Variants in TMEM117 observed in about 807,000 individuals in gnomAD.
TMEM117 encodes the protein transmembrane protein 117.
TMEM117 carries 27 observed loss-of-function variants against 52.4 expected under a neutral mutation model. The observed-to-expected ratio is 0.51, with a 90% confidence interval of 0.38 to 0.71. The LOEUF (loss-of-function observed/expected upper bound fraction) is 0.71, where lower values mean the gene tolerates loss of function less well. Ranked by LOEUF, TMEM117 falls within the 30% of genes least tolerant of loss-of-function variation. The probability of loss-of-function intolerance (pLI) is 0.00; values close to 1 mark genes in which losing one functional copy is unlikely to be tolerated. For synonymous variants in TMEM117, 215 were observed against 206.3 expected (o/e 1.04, Z -0.36); for missense variants, 556 against 630.5 (o/e 0.88, Z 1.26).
At chr12:43,891,652 C>T (rs745801611) in intron 2 of TMEM117, among the ~76,000 whole-genome samples, 3 of 151,986 alleles carry the variant, frequency 2.0e-5, no homozygotes, top group Non-Finnish European at 4.4e-5. Flanking sequence ...AGGCATGAGC[C>T]ACTGCGCCCA....
chr12:44,354,999 A>T (rs370492622), intron 6 of TMEM117, among the ~76,000 whole-genome samples: 104 of 152,170 alleles, frequency 6.8e-4, no homozygotes, highest in African/African-American at 2.2e-3. Context: ...CAGCATACTC[A>T]TAATAAATAC....
At chr12:43,813,573 C>T in the TMEM117 span, among the ~76,000 whole-genome samples, 3 of 152,024 alleles carry the variant, frequency 2.0e-5, no homozygotes, top group Non-Finnish European at 4.4e-5. Flanking sequence ...ACTATTTTTC[C>T]CTCCCTTTCT....
At chr12:44,054,716 T>A (rs1422004088) in intron 3 of TMEM117, among the ~76,000 whole-genome samples, 1 of 152,052 alleles carries the variant, frequency 6.6e-6, no homozygotes, top group African/African-American at 2.4e-5. Context: ...TTTTTCAATT[T>A]TTTTTTTCTT....
At position 43,842,378 on chromosome 12, in the gene TMEM117, C is replaced by G. The variant is rs1422381482; in HGVS notation, c.-28-2246C>G. ...GATTTCAGAGTGTTCACAAAGATAA[C>G]AAGGGACTTAAAATTGCTTAGAAGG... On this transcript the variant is annotated intron_variant, in intron 1 of 7. Transcript: ENST00000266534. Among the ~76,000 whole-genome samples the G allele has an allele frequency of 3.3e-5, 5 of 152,112 alleles. No homozygotes were observed. In the East Asian group the frequency reaches 9.6e-4, roughly 29 times the overall value.
chr12:43,818,709 C>T, the TMEM117 span, among the ~76,000 whole-genome samples: 3 of 152,162 alleles, frequency 2.0e-5, no homozygotes, highest in Non-Finnish European at 4.4e-5. Flanking sequence ...TCTCAAAGTG[C>T]TGGGATTACA....
intron 3 of TMEM117, among the ~76,000 whole-genome samples, chr12:44,013,603 G>A (rs912881818): frequency 5.3e-5 from 8 of 151,956 alleles, no homozygotes; most frequent in South Asian, 2.1e-4. Context: ...TCTGATAGTC[G>A]CTGTGAGGGC....
chr12:44,163,286 C>T (rs1189947186), intron 4 of TMEM117, among the ~76,000 whole-genome samples: 1 of 152,130 alleles, frequency 6.6e-6, no homozygotes, highest in Non-Finnish European at 1.5e-5. Flanking sequence ...TTCTTAATAC[C>T]TTTTGTCTAC....
chr12:44,129,612 G>A (rs1444153938), intron 3 of TMEM117, among the ~76,000 whole-genome samples: 2 of 152,066 alleles, frequency 1.3e-5, no homozygotes, highest in African/African-American at 2.4e-5. Flanking sequence ...AATAAATGAA[G>A]CAAATATAAA....
At chr12:43,886,646 AG>A (rs1239554097) in intron 2 of TMEM117, among the ~76,000 whole-genome samples, 3 of 152,110 alleles carry the variant, frequency 2.0e-5, no homozygotes, top group Admixed American at 2.0e-4. Flanking sequence ...TTTTAAGTTC[AG>A]GGGTACATGT....
At chr12:44,346,983 T>C (rs1335616426) in intron 6 of TMEM117, among the ~76,000 whole-genome samples, 3 of 152,090 alleles carry the variant, frequency 2.0e-5, no homozygotes, top group African/African-American at 4.8e-5. Context: ...CTTTTTTTCC[T>C]GATAAGGACA....
At chr12:44,096,353 G>GA (rs1565825531) in intron 3 of TMEM117, among the ~76,000 whole-genome samples, 1 of 151,872 alleles carries the variant, frequency 6.6e-6, no homozygotes, top group African/African-American at 2.4e-5. Context: ...CACAGAATTG[G>GA]AAAAAACTAC....
chr12:44,226,738 A>G (rs2138440279), intron 5 of TMEM117, among the ~76,000 whole-genome samples: 1 of 152,212 alleles, frequency 6.6e-6, no homozygotes, highest in Non-Finnish European at 1.5e-5. Context: ...CAGAGTGTAG[A>G]TTATGTGAAG....
chr12:44,014,336 G>C (rs775864947), intron 3 of TMEM117, among the ~76,000 whole-genome samples: 1 of 152,122 alleles, frequency 6.6e-6, no homozygotes, highest in Non-Finnish European at 1.5e-5. Flanking sequence ...GGATGAGGGG[G>C]ATAAGATGAG....
At chr12:44,002,796 G>A (rs1946136184) in intron 3 of TMEM117, among the ~76,000 whole-genome samples, 1 of 151,174 alleles carries the variant, frequency 6.6e-6, no homozygotes, top group Non-Finnish European at 1.5e-5. Context: ...GGAAGGAGTG[G>A]GCAGCATGGA....
At chr12:43,979,905 G>T (rs1945733088) in intron 3 of TMEM117, among the ~76,000 whole-genome samples, 1 of 152,148 alleles carries the variant, frequency 6.6e-6, no homozygotes, top group African/African-American at 2.4e-5. Flanking sequence ...TTAGAAAGGG[G>T]TCTGCAGAGT....
At position 44,100,800 on chromosome 12, in the gene TMEM117, ACTGGTGAC is replaced by A. The variant is rs1377903023; in HGVS notation, c.411-42721_411-42714del. ...TAAAAGTACTCACTTCAGAGCCGTTACTGGTGACCTGCTAAACACCAGCTCTGGAGTGT... is the reference window on the plus strand; with the variant it reads ...TAAAAGTACTCACTTCAGAGCCGTTACTGCTAAACACCAGCTCTGGAGTGT... On this transcript the variant is annotated intron_variant, in intron 3 of 7. Transcript: ENST00000266534. Among the ~76,000 whole-genome samples the A allele has an allele frequency of 7.2e-5, 11 of 152,060 alleles. 1 individual carries two copies. The South Asian group carries it at 2.3e-3, about 31-fold the overall frequency.
At chr12:44,348,038 G>A (rs1225884280) in intron 6 of TMEM117, among the ~76,000 whole-genome samples, 1 of 151,942 alleles carries the variant, frequency 6.6e-6, no homozygotes, top group African/African-American at 2.4e-5. Context: ...GCTAGTTAGA[G>A]TCCTACATGG....
intron 4 of TMEM117, among the ~76,000 whole-genome samples, chr12:44,145,236 C>T (rs1487043789): frequency 2.6e-5 from 4 of 152,120 alleles, no homozygotes; most frequent in Non-Finnish European, 5.9e-5. Context: ...CTTTGAAAAA[C>T]GTAACTTCCT....
In TMEM117 at chr12:43,900,673, G is replaced by A. The variant is rs192495264; in HGVS notation, c.278-43537G>A. Among the ~76,000 whole-genome samples, 593 of 151,154 alleles carry A rather than the reference G, an allele frequency of 3.9e-3. 3 individuals carry two copies. Among genetic ancestry groups the A allele is most frequent in the Non-Finnish European group, 7.3e-3 (495 of 67,904 alleles). ...ATGGAGTTTGCAGTGAGCTGAGATC[G>A]CGCCACTGTACTCCAGCCTGGGCGA... On this transcript the variant is annotated intron_variant, in intron 2 of 7. Coordinates refer to ENST00000266534, the MANE Select transcript of TMEM117 (RefSeq NM_032256.3).
Sources: gnomAD v4.1 joint callset for allele counts (sites outside exome capture counted in the v4.1 genomes callset) on GRCh38, gnomAD v4.1.1 for gene constraint, MANE v1.5 for transcripts, NCBI Gene and HGNC (gene_info 2026-07-23, HGNC 2026-07-21) for gene names.